CASP9: variants seen among roughly 807,000 people sequenced by gnomAD.
The protein encoded by CASP9 is caspase 9, also known as caspase-9.
Under a neutral mutation model 43.5 loss-of-function variants are expected in CASP9, and 29 were observed. That is an observed-to-expected ratio of 0.67 (90% CI 0.50 to 0.91). CASP9 has a LOEUF of 0.91. CASP9 is among the 40% of genes least tolerant of loss of function. The pLI, the probability that CASP9 is intolerant of heterozygous loss-of-function variation, is 0.00. For synonymous variants in CASP9, 206 were observed against 211.9 expected, an observed-to-expected ratio of 0.97 and a Z score of 0.24; for missense variants, 575 against 537.4, an observed-to-expected ratio of 1.07 and a Z score of -0.69.
intron 1 of CASP9, 100 bp from the exon 2 acceptor site, chr1:15,518,495 G>A: frequency 7.9e-7 from 1 of 1,266,278 alleles, no homozygotes; most frequent in Non-Finnish European, 1.1e-6. Flanking sequence ...TAAACAATCA[G>A]GCACGTGGGC....
At chr1:15,500,332 G>A (rs540002838) in intron 6 of CASP9, among the ~76,000 whole-genome samples, 37 of 152,284 alleles carry the variant, frequency 2.4e-4, no homozygotes, top group African/African-American at 8.7e-4. Flanking sequence ...CCGCAACGCA[G>A]GCAGGTTTGC....
Position 15,493,993 on chromosome 1 carries a change from A to C in CASP9, c.1057T>G (p.Ser353Ala). 1 of 1,590,958 alleles carries C rather than the reference A, an allele frequency of 6.3e-7. No individual in the cohort carries two copies. Among genetic ancestry groups the C allele is most frequent in the Non-Finnish European group, 8.6e-7 (1 of 1,168,476 alleles). Residue 353 changes from serine to alanine, a missense_variant, in exon 8 of 9, where the codon TCC becomes GCC. By Grantham distance (99) the Ser-to-Ala change is moderately conservative (BLOSUM62 1). Coordinates refer to ENST00000333868, the MANE Select transcript of CASP9 (RefSeq NM_001229.5). ...GAGCCACTCTTGGGGTCCCTCCAGG[A>C]AACAAAACCTTTGGAGGGAGGAGGG... is the stretch of plus-strand genomic sequence containing the variant. ...VSYSTFPGFV[S>A]WRDPKSGSWY...
At chr1:15,513,160 C>CAA (rs377408698) in intron 2 of CASP9, among the ~76,000 whole-genome samples, 13 of 63,748 alleles carry the variant, frequency 2.0e-4, no homozygotes, top group East Asian at 5.3e-4. Flanking sequence ...GACTCCGTCT[C>CAA]AAAAAAAAAA....
chr1:15,521,535 A>T (rs1019188419), intron 1 of CASP9, among the ~76,000 whole-genome samples: 2 of 152,228 alleles, frequency 1.3e-5, no homozygotes, highest in Admixed American at 6.5e-5. Flanking sequence ...GATCTTTCTT[A>T]TAAGTGCATA....
chr1:15,524,346 A>T, upstream of CASP9: 1 of 1,393,554 alleles, frequency 7.2e-7, no homozygotes, highest in Non-Finnish European at 9.2e-7. Flanking sequence ...CCGCCTCCGG[A>T]CGCATCTCCA....
intron 6 of CASP9, among the ~76,000 whole-genome samples, chr1:15,503,995 A>C (rs1709423905): frequency 6.6e-6 from 1 of 152,160 alleles, no homozygotes; most frequent in Non-Finnish European, 1.5e-5. Context: ...AACTACAAAG[A>C]ATCCAAGTAA....
chr1:15,521,050 G>A (rs556551353), intron 1 of CASP9, among the ~76,000 whole-genome samples: 5 of 151,894 alleles, frequency 3.3e-5, no homozygotes, highest in African/African-American at 9.7e-5. Flanking sequence ...CCAGCTACTC[G>A]GGAGGCTGAG....
chr1:15,506,755 G>A, intron 4 of CASP9, 144 bp downstream of exon 4: 1 of 660,318 alleles, frequency 1.5e-6, no homozygotes, highest in Non-Finnish European at 2.6e-6. Flanking sequence ...ACTTGAACCT[G>A]TAGCCGCTGG....
chr1:15,524,185 G>C lies in CASP9; in HGVS notation c.16C>G (p.Arg6Gly). 6.5e-7 allele frequency: 1 copy of C among 1,546,512 alleles called. No homozygotes were observed. Residue 6 changes from arginine (R) to glycine (G), a missense_variant, in exon 1 of 9, where the codon CGG becomes GGG. Transcript: ENST00000333868. The stretch of plus-strand genomic sequence containing the variant: ...AGCCGGCACCGCCGCAGGAGCCGCC[G>C]ATCCGCTTCGTCCATGGCGAGTAGC... MDEAD[R>G]RLLRRCRLRL...
Position 15,522,902 on chromosome 1 carries a change from CA to C in CASP9, c.132+1166del, listed in dbSNP as rs1321214012. Among the ~76,000 whole-genome samples the C allele has an allele frequency of 3.3e-5, 5 of 152,226 alleles. No individual in the cohort carries two copies. The East Asian group carries it at 9.6e-4, about 29-fold the overall frequency. ...GTGGCCTCAAACCATTACTGTTCCC[CA>C]GTAGGGGCCACACAGAAGGCACAAA... On this transcript the variant is annotated intron_variant, in intron 1 of 8. Coordinates refer to ENST00000333868, the MANE Select transcript of CASP9 (RefSeq NM_001229.5).
At chr1:15,506,328 C>T (rs910634689) in intron 4 of CASP9, among the ~76,000 whole-genome samples, 22 of 152,016 alleles carry the variant, frequency 1.4e-4, no homozygotes, top group Admixed American at 4.6e-4. Context: ...TGGTGGCACA[C>T]ACCTGTAATC....
chr1:15,524,476 G>T, upstream of CASP9: 2 of 841,092 alleles, frequency 2.4e-6, no homozygotes, highest in Non-Finnish European at 2.9e-6. Flanking sequence ...CCCAGAACAC[G>T]CTCCGCGTCA....
At chr1:15,514,891 G>A (rs894904210) in intron 2 of CASP9, among the ~76,000 whole-genome samples, 3 of 152,046 alleles carry the variant, frequency 2.0e-5, no homozygotes, top group Admixed American at 2.0e-4. Flanking sequence ...TGTAGTCCCA[G>A]CTACTTGGGA....
intron 6 of CASP9, among the ~76,000 whole-genome samples, chr1:15,499,221 A>G (rs919379200): frequency 8.5e-5 from 13 of 152,178 alleles, no homozygotes; most frequent in Non-Finnish European, 1.5e-4. Flanking sequence ...TACTATTACC[A>G]ATGGCTGGGA....
At chr1:15,520,046 A>T (rs1710118726) in intron 1 of CASP9, 1 of 152,336 alleles carries the variant, frequency 6.6e-6, no homozygotes, top group Non-Finnish European at 1.5e-5. Flanking sequence ...TGGTGGGGTC[A>T]GTCACTAAGA....
At chr1:15,518,950 C>T (rs1359731893) in intron 1 of CASP9, among the ~76,000 whole-genome samples, 1 of 152,030 alleles carries the variant, frequency 6.6e-6, no homozygotes, top group Non-Finnish European at 1.5e-5. Flanking sequence ...TCTCAGCTCA[C>T]TGCAACCTCC....
In CASP9 at chr1:15,504,702, C is replaced by T. The variant is rs773851810; in HGVS notation, c.777G>A (p.Ser259=). ...TGAAGATGTTCACAATCTTCTCGAC[C>T]GACACAGGGCATCCATCTGTGCCGT... ...AVYGTDGCPV[S]VEKIVNIFNG... is the part of the protein sequence containing the mutation. Residue 259 remains serine (S), a synonymous_variant, in exon 6 of 9, where the codon TCG becomes TCA. Transcript: ENST00000333868. The T allele has an allele frequency of 4.4e-5, 71 of 1,614,048 alleles. No homozygotes were observed. In the South Asian group the frequency reaches 4.8e-4, roughly 11 times the overall value.
At chr1:15,523,362 G>C (rs1710289344) in intron 1 of CASP9, among the ~76,000 whole-genome samples, 1 of 152,208 alleles carries the variant, frequency 6.6e-6, no homozygotes, top group Admixed American at 6.5e-5. Context: ...GGCTCAAAGA[G>C]GGTAAGTGAC....
At chr1:15,505,219 G>C (rs1231591666) in intron 5 of CASP9, among the ~76,000 whole-genome samples, 2 of 152,150 alleles carry the variant, frequency 1.3e-5, no homozygotes, top group Admixed American at 1.3e-4. Context: ...AAATCACCTG[G>C]AAACCTTGTT....
Sources: allele counts gnomAD v4.1 joint callset (sites outside exome capture counted in the v4.1 genomes callset), GRCh38; gene constraint gnomAD v4.1.1; transcripts MANE v1.5; gene names NCBI Gene and HGNC (gene_info 2026-07-23, HGNC 2026-07-21).